BCR: variants seen among roughly 807,000 people sequenced by gnomAD.
The protein encoded by BCR is BCR activator of RhoGEF and GTPase.
BCR carries 58 observed loss-of-function variants against 138.6 expected under a neutral mutation model. That is an observed-to-expected ratio of 0.42 (90% CI 0.34 to 0.52). The LOEUF is 0.52. BCR is among the 20% of genes least tolerant of loss of function. The pLI, the probability that BCR is intolerant of heterozygous loss-of-function variation, is 0.06. For synonymous variants in BCR, 786 were observed against 730.1 expected (o/e 1.08, Z -1.23); for missense variants, 1,599 against 1,727.2 (o/e 0.93, Z 1.32).
chr22:23,298,191 A>G (rs865950514), intron 16 of BCR, among the ~76,000 whole-genome samples: 1 of 152,198 alleles, frequency 6.6e-6, no homozygotes, highest in Non-Finnish European at 1.5e-5. Context: ...ATGAAGTAAC[A>G]TCAGGGGGAA....
At chr22:23,217,387 C>G (rs1306291462) in intron 1 of BCR, among the ~76,000 whole-genome samples, 1 of 152,214 alleles carries the variant, frequency 6.6e-6, no homozygotes, top group Non-Finnish European at 1.5e-5. Flanking sequence ...AGATAGTGAC[C>G]ACACCATGGG....
chr22:23,190,613 T>C (rs963683311), intron 1 of BCR, among the ~76,000 whole-genome samples: 4 of 152,116 alleles, frequency 2.6e-5, no homozygotes, highest in African/African-American at 4.8e-5. Context: ...CGTCAACATA[T>C]GGGGAGTGAG....
chr22:23,315,449 A>T lies in BCR; in HGVS notation c.3743A>T (p.Tyr1248Phe). 6.2e-7 allele frequency: 1 copy of T among 1,613,520 alleles called. No individual in the cohort carries two copies. The highest frequency in any genetic ancestry group is 1.1e-5 in the South Asian group (1 of 91,056). The change falls in exon 23 of 23, where the codon TAC (tyrosine) becomes TTC (phenylalanine). Residue 1248 changes from tyrosine (Y) to phenylalanine (F), a missense_variant. Transcript: ENST00000305877. ...EVMSQVQVLL[Y>F]FLQLEAIPAP... ...CCCGGGCAGGTCCAGGTGCTGCTGT[A>T]CTTCCTGCAGCTGGAGGCCATCCCT... is the stretch of plus-strand genomic sequence containing the variant.
intron 1 of BCR, among the ~76,000 whole-genome samples, chr22:23,228,564 T>G (rs1284810787): frequency 2.0e-5 from 3 of 152,234 alleles, no homozygotes; most frequent in Middle Eastern, 3.2e-3. Flanking sequence ...GGGCTAAGTC[T>G]TAGTTTTCCT....
At chr22:23,278,862 G>A (rs1369658658) in intron 8 of BCR, among the ~76,000 whole-genome samples, 1 of 152,196 alleles carries the variant, frequency 6.6e-6, no homozygotes, top group Non-Finnish European at 1.5e-5. Flanking sequence ...CAGCTCCACT[G>A]GACACCAAAC....
At chr22:23,286,027 C>T (rs2073707462) in intron 10 of BCR, among the ~76,000 whole-genome samples, 1 of 152,176 alleles carries the variant, frequency 6.6e-6, no homozygotes, top group Non-Finnish European at 1.5e-5. Flanking sequence ...GCGTCCTTTG[C>T]CGTGTGGTTC....
intron 1 of BCR, among the ~76,000 whole-genome samples, chr22:23,221,645 G>A (rs967239219): frequency 6.6e-6 from 1 of 152,212 alleles, no homozygotes; most frequent in African/African-American, 2.4e-5. Flanking sequence ...GTCTGGTAGG[G>A]GGCAGGGTCC....
chr22:23,182,079 C>G lies in BCR; in HGVS notation c.1119C>G (p.Asn373Lys), dbSNP rs1239637371. ...FRDKSRSPSQ[N>K]SQQSFDSSSP... ...ACAAAAGCCGCTCTCCCTCGCAGAACTCGCAACAGTCCTTCGACAGCAGCA... is the reference window on the plus strand; with the variant it reads ...ACAAAAGCCGCTCTCCCTCGCAGAAGTCGCAACAGTCCTTCGACAGCAGCA... The change falls in exon 1 of 23, where the codon AAC (asparagine) becomes AAG (lysine). Residue 373 changes from asparagine (N) to lysine (K), a missense_variant. Physicochemically the swap from Asn to Lys is moderately conservative, Grantham distance 94. This residue lies in a region of BCR where 806 missense variants were observed against 635.0 expected (regional missense o/e 1.27). Coordinates refer to ENST00000305877, the MANE Select transcript of BCR (RefSeq NM_004327.4). The G allele has an allele frequency of 1.2e-6, 2 of 1,613,358 alleles. No individual in the cohort carries two copies. The highest frequency in any genetic ancestry group is 1.7e-6 in the Non-Finnish European group (2 of 1,180,046).
At chr22:23,235,470 C>A (rs2073012784) in intron 1 of BCR, among the ~76,000 whole-genome samples, 1 of 144,542 alleles carries the variant, frequency 6.9e-6, no homozygotes, top group Non-Finnish European at 1.6e-5. Context: ...TTAAGTGCCT[C>A]CCTGATTAAG....
intron 1 of BCR, among the ~76,000 whole-genome samples, chr22:23,233,425 G>A (rs2072980943): frequency 6.6e-6 from 1 of 152,174 alleles, no homozygotes. Flanking sequence ...GCTCCCTTCT[G>A]TGGTGTATGT....
At chr22:23,263,336 C>T (rs2073394372) in intron 4 of BCR, 6 of 1,195,636 alleles carry the variant, frequency 5.0e-6, no homozygotes, top group Admixed American at 1.8e-5. Context: ...TGCTCCGGCG[C>T]CAGATAGCCT....
At chr22:23,192,311 C>A (rs1199491371) in intron 1 of BCR, among the ~76,000 whole-genome samples, 1 of 152,218 alleles carries the variant, frequency 6.6e-6, no homozygotes, top group Non-Finnish European at 1.5e-5. Flanking sequence ...CCTCTCTCCT[C>A]AGACTGAGTG....
At chr22:23,245,141 T>C (rs948209583) in intron 1 of BCR, among the ~76,000 whole-genome samples, 4 of 152,200 alleles carry the variant, frequency 2.6e-5, no homozygotes, top group African/African-American at 4.8e-5. Flanking sequence ...CAGGCAGAGC[T>C]GTCAGGGCTG....
intron 1 of BCR, 102 bp from the exon 2 acceptor site, chr22:23,253,697 G>T (rs564946802): frequency 5.3e-5 from 75 of 1,406,612 alleles, no homozygotes; most frequent in South Asian, 5.0e-4. Context: ...TGAGATGCCT[G>T]TTGGGGACAG....
intron 8 of BCR, among the ~76,000 whole-genome samples, chr22:23,281,584 A>G (rs769777487): frequency 2.7e-5 from 4 of 150,264 alleles, no homozygotes; most frequent in Non-Finnish European, 5.9e-5. Flanking sequence ...GCAGGGGCCG[A>G]GTGACGGGGA....
chr22:23,295,494 T>C (rs2073835331), intron 16 of BCR, among the ~76,000 whole-genome samples: 1 of 152,134 alleles, frequency 6.6e-6, no homozygotes, highest in South Asian at 2.1e-4. Flanking sequence ...AATTGGCCCA[T>C]CCTGTGCCAG....
chr22:23,260,823 G>A (rs1294085171), intron 2 of BCR, 127 bp from the exon 3 acceptor site: 1 of 866,374 alleles, frequency 1.2e-6, no homozygotes, highest in Non-Finnish European at 1.9e-6. Flanking sequence ...TTAATTCCAT[G>A]TGGAGCCTTT....
chr22:23,273,009 C>T, intron 6 of BCR, 72 bp from the exon 7 acceptor site: 2 of 1,536,382 alleles, frequency 1.3e-6, no homozygotes, highest in Non-Finnish European at 1.8e-6. Context: ...CTCACCCTTG[C>T]ACCGAGGGTG....
intron 21 of BCR, 59 bp downstream of exon 21, chr22:23,314,132 C>T (rs2074039713): frequency 2.2e-6 from 3 of 1,373,698 alleles, no homozygotes; most frequent in East Asian, 2.3e-5. Context: ...CAGAGTGCCC[C>T]TCTGCTCCCA....
Sources: gnomAD v4.1 joint callset for allele counts (sites outside exome capture counted in the v4.1 genomes callset) on GRCh38, gnomAD v4.1.1 for gene constraint, gnomAD v4.1.1 regional missense constraint, MANE v1.5 for transcripts, NCBI Gene and HGNC (gene_info 2026-07-23, HGNC 2026-07-21) for gene names.